Variants in CNOT7 observed in about 807,000 individuals in gnomAD.
The protein encoded by CNOT7 is CCR4-NOT transcription complex subunit 7.
CNOT7 carries 4 observed loss-of-function variants against 37.1 expected under a neutral mutation model. That is an observed-to-expected ratio of 0.11 (90% CI 0.05 to 0.25). CNOT7 has a LOEUF of 0.25. Among genes scored for constraint, CNOT7 ranks in the 10% least tolerant of loss-of-function variants. The pLI, the probability that CNOT7 is intolerant of heterozygous loss-of-function variation, is 1.00. For synonymous variants in CNOT7, 128 were observed against 115.6 expected (o/e 1.11, Z -0.69); for missense variants, 170 against 336.2 (o/e 0.51, Z 3.87).
intron 4 of CNOT7, among the ~76,000 whole-genome samples, chr8:17,235,755 T>G (rs1809268951): frequency 6.6e-6 from 1 of 152,222 alleles, no homozygotes; most frequent in South Asian, 2.1e-4. Flanking sequence ...AAACTATTCT[T>G]CATTACTTGA....
In CNOT7 at chr8:17,245,493, CAT is replaced by C. The variant is rs1810823700; in HGVS notation, c.-95-248_-95-247del. On this transcript the variant is annotated intron_variant, in intron 1 of 6. Transcript: ENST00000361272. ...AGCTTTTTTACACATACATACTAAT[CAT>C]ATTTTATAACTTTCCACTAATTATT... 3.3e-5 allele frequency among the ~76,000 whole-genome samples: 5 copies of C among 152,282 alleles called. No individual in the cohort carries two copies. The South Asian group carries it at 1.0e-3, about 32-fold the overall frequency.
In CNOT7 at chr8:17,225,610, T is replaced by G. The variant is rs1240194196; in HGVS notation, c.*5110A>C. The G allele has an allele frequency of 6.6e-6, 1 of 151,856 alleles. No homozygotes were observed. The highest frequency in any genetic ancestry group is 1.9e-4 in the East Asian group (1 of 5,202). 9.4% of individuals were successfully genotyped at this position (151,856 alleles called of 1,614,324 possible). A position where few individuals can be genotyped will look rare whatever the true frequency, so the allele number is the denominator to read the frequency against. On this transcript the variant is annotated 3_prime_UTR_variant, in exon 7 of 7. Coordinates refer to ENST00000361272, the MANE Select transcript of CNOT7 (RefSeq NM_013354.7). The stretch of plus-strand genomic sequence containing the variant: ...ATAATGTACATGAATCTTGTTTTCT[T>G]GGAATTTTCATTCTATGGTGACATT...
intron 6 of CNOT7, 116 bp downstream of exon 6, chr8:17,232,311 A>G: frequency 2.6e-6 from 4 of 1,565,374 alleles, no homozygotes; most frequent in Non-Finnish European, 3.4e-6. Context: ...CTCATATGGT[A>G]TCTCTAATTA....
At chr8:17,231,268 T>G (rs888081436) in intron 6 of CNOT7, among the ~76,000 whole-genome samples, 2 of 152,230 alleles carry the variant, frequency 1.3e-5, no homozygotes, top group Admixed American at 6.5e-5. Flanking sequence ...CATAAAGTCA[T>G]GGACAGTAAA....
rs554327552 is a variant in CNOT7 at position 17,227,699 on chromosome 8, A to C, written c.*3021T>G. 1 of 151,944 alleles carries C rather than the reference A, an allele frequency of 6.6e-6. No homozygotes were observed. The highest frequency in any genetic ancestry group is 1.9e-4 in the East Asian group (1 of 5,180). The allele number at this position is 151,944 out of a possible 1,614,324, so 9.4% of individuals were successfully genotyped here. On this transcript the variant is annotated 3_prime_UTR_variant, in exon 7 of 7. Transcript: ENST00000361272. Reference sequence around the variant, plus strand: ...CACCAGTTGGGAATATTGTGATGTTAGTCTGATACTGTCAGTCTATTCTTT... The same window carrying C: ...CACCAGTTGGGAATATTGTGATGTTCGTCTGATACTGTCAGTCTATTCTTT...
In CNOT7 at chr8:17,227,422, C is replaced by A. The variant is rs1349031350; in HGVS notation, c.*3298G>T. 1 of 151,812 alleles carries A rather than the reference C, an allele frequency of 6.6e-6. No individual in the cohort carries two copies. The highest frequency in any genetic ancestry group is 1.5e-5 in the Non-Finnish European group (1 of 67,790). The allele number at this position is 151,812 out of a possible 1,614,324, so 9.4% of individuals were successfully genotyped here. A position where few individuals can be genotyped will look rare whatever the true frequency, so the allele number is the denominator to read the frequency against. On this transcript the variant is annotated 3_prime_UTR_variant, in exon 7 of 7. Transcript: ENST00000361272. ...TAACAGTGTCATTTGATGTTGTGTC[C>A]AAAATCCTCATTCTTCAAACTACTG...
chr8:17,234,882 AGAG>A, intron 4 of CNOT7, 22 bp from the exon 5 acceptor site: 4 of 1,608,872 alleles, frequency 2.5e-6, no homozygotes, highest in Non-Finnish European at 3.4e-6. Flanking sequence ...TTAAAAGAAT[AGAG>A]AAGAGGGACA....
At chr8:17,235,403 G>C (rs1342478986) in intron 4 of CNOT7, among the ~76,000 whole-genome samples, 1 of 152,188 alleles carries the variant, frequency 6.6e-6, no homozygotes, top group Admixed American at 6.5e-5. Context: ...ACTGTGTTAA[G>C]TAGTCTCTCC....
intron 4 of CNOT7, 121 bp downstream of exon 4, chr8:17,237,091 T>G: frequency 1.1e-6 from 1 of 914,116 alleles, no homozygotes; most frequent in South Asian, 1.6e-5. Flanking sequence ...AGGAGACAAC[T>G]CTATATGGCA....
At chr8:17,246,154 TAAC>T (rs1811016711) in intron 1 of CNOT7, 1 of 152,210 alleles carries the variant, frequency 6.6e-6, no homozygotes, top group South Asian at 2.1e-4. Context: ...CCCTGTAGTC[TAAC>T]ATTGTTTTCC....
intron 3 of CNOT7, among the ~76,000 whole-genome samples, chr8:17,240,394 G>A (rs1254126012): frequency 6.6e-6 from 1 of 151,310 alleles, no homozygotes; most frequent in Non-Finnish European, 1.5e-5. Context: ...TAGCATTAGT[G>A]TATTTTATGT....
At chr8:17,242,806 A>T (rs1387063341) in intron 3 of CNOT7, 186 bp downstream of exon 3, 7 of 433,438 alleles carry the variant, frequency 1.6e-5, no homozygotes. Context: ...CATCTTTAAC[A>T]TCAAAGTATT....
In CNOT7 at chr8:17,225,485, T is replaced by C. The variant is rs995816520; in HGVS notation, c.*5235A>G. The C allele has an allele frequency of 1.3e-5, 2 of 151,742 alleles. No individual in the cohort carries two copies. The highest frequency in any genetic ancestry group is 3.9e-4 in the East Asian group (2 of 5,192). 9.4% of individuals were successfully genotyped at this position (151,742 alleles called of 1,614,324 possible). A position where few individuals can be genotyped will look rare whatever the true frequency, so the allele number is the denominator to read the frequency against. On this transcript the variant is annotated 3_prime_UTR_variant, in exon 7 of 7. Coordinates refer to ENST00000361272, the MANE Select transcript of CNOT7 (RefSeq NM_013354.7). ...AGACTATGGCTACAAAGCAATGAAA[T>C]GGACTTCTAAAGAGAAATTGCTCAA... is the stretch of plus-strand genomic sequence containing the variant.
Position 17,245,212 on chromosome 8 carries a change from T to G in CNOT7, c.-60A>C. ...CAAAATGTTATACTTGATTGAAGAT[T>G]TGTTTCATAAAATATTTTATCCTTT... On this transcript the variant is annotated 5_prime_UTR_variant, in exon 2 of 7. Coordinates refer to ENST00000361272, the MANE Select transcript of CNOT7 (RefSeq NM_013354.7). 2.6e-6 allele frequency: 4 copies of G among 1,513,520 alleles called. No homozygotes were observed. The highest frequency in any genetic ancestry group is 3.5e-6 in the Non-Finnish European group (4 of 1,129,732). 93.8% of individuals were successfully genotyped at this position (1,513,520 alleles called of 1,614,324 possible). A position where few individuals can be genotyped will look rare whatever the true frequency, so the allele number is the denominator to read the frequency against.
rs1223834509 is a variant in CNOT7 at position 17,227,682 on chromosome 8, G to A, written c.*3038C>T. On this transcript the variant is annotated 3_prime_UTR_variant, in exon 7 of 7. Transcript: ENST00000361272. ...TCTGACTGTTGCTTTCCCACCAGTT[G>A]GGAATATTGTGATGTTAGTCTGATA... The A allele has an allele frequency of 6.6e-6, 1 of 151,734 alleles. No individual in the cohort carries two copies. The highest frequency in any genetic ancestry group is 1.9e-4 in the East Asian group (1 of 5,184). The allele number at this position is 151,734 out of a possible 1,614,324, so 9.4% of individuals were successfully genotyped here.
At chr8:17,243,761 T>C in intron 2 of CNOT7, 1 of 397,444 alleles carries the variant, frequency 2.5e-6, no homozygotes, top group Non-Finnish European at 5.0e-6. Flanking sequence ...ATGTTGCCAC[T>C]CTTTATCATC....
intron 3 of CNOT7, among the ~76,000 whole-genome samples, chr8:17,239,577 C>A (rs1397956848): frequency 6.6e-6 from 1 of 152,110 alleles, no homozygotes; most frequent in Non-Finnish European, 1.5e-5. Flanking sequence ...CTGCAAGCTC[C>A]ACCTCCTGGG....
chr8:17,235,761 C>T (rs959812160), intron 4 of CNOT7, among the ~76,000 whole-genome samples: 2 of 152,120 alleles, frequency 1.3e-5, no homozygotes, highest in Admixed American at 6.5e-5. Flanking sequence ...TTCTTCATTA[C>T]TTGAAATTAG....
At chr8:17,242,131 G>C (rs530886113) in intron 3 of CNOT7, 1 of 152,268 alleles carries the variant, frequency 6.6e-6, no homozygotes, top group Admixed American at 6.5e-5. Flanking sequence ...GGAAATCAGA[G>C]GACCCGGGAG....
Sources: allele counts gnomAD v4.1 joint callset (sites outside exome capture counted in the v4.1 genomes callset), GRCh38; gene constraint gnomAD v4.1.1; transcripts MANE v1.5; gene names NCBI Gene and HGNC (gene_info 2026-07-23, HGNC 2026-07-21).